Variants in NEURL3 observed in about 807,000 individuals in gnomAD.
The protein encoded by NEURL3 is neuralized E3 ubiquitin protein ligase 3.
In NEURL3, 19 loss-of-function variants were observed where a neutral mutation model predicts 17.6. The observed-to-expected ratio is 1.08, with a 90% CI of 0.75 to 1.58. The LOEUF (loss-of-function observed/expected upper bound fraction) is 1.58. Among genes scored for constraint, NEURL3 ranks in the 40% most tolerant of loss-of-function variants. NEURL3 has a pLI of 0.00. For missense variants in NEURL3, 342 were observed against 379.6 expected (o/e 0.90, Z 0.82); for synonymous variants, 180 against 161.4 (o/e 1.11, Z -0.87).
In NEURL3 at chr2:96,503,222, G is replaced by A. The variant is rs115747136; in HGVS notation, c.28+2037C>T. ...GAACTCCCCCGGAATGGCCTTGAGG[G>A]TGCATGAGGCCCTGGGAGCCCTTGA... On this transcript the variant is annotated intron_variant, in intron 1 of 3. Transcript: ENST00000451794. Among the ~76,000 whole-genome samples the A allele has an allele frequency of 3.1e-3, 465 of 152,282 alleles. 3 individuals are homozygous for A. Among genetic ancestry groups the A allele is most frequent in the African/African-American group, 0.011 (452 of 41,554 alleles).
chr2:96,501,279 T>A (rs1010995983), intron 1 of NEURL3, among the ~76,000 whole-genome samples: 5 of 152,112 alleles, frequency 3.3e-5, no homozygotes, highest in African/African-American at 1.2e-4. Context: ...GGTCTTGAAC[T>A]CTTGGCCTCA....
intron 1 of NEURL3, among the ~76,000 whole-genome samples, chr2:96,503,855 C>T (rs948461934): frequency 6.6e-6 from 1 of 152,232 alleles, no homozygotes; most frequent in Non-Finnish European, 1.5e-5. Flanking sequence ...TCCAAGCAGA[C>T]CTGTCCCCAG....
chr2:96,498,974 C>A lies in NEURL3; in HGVS notation c.586+404G>T. Among the ~76,000 whole-genome samples, 1 of 152,090 alleles carries A rather than the reference C, an allele frequency of 6.6e-6. No individual in the cohort carries two copies. Among genetic ancestry groups the A allele is most frequent in the East Asian group, 1.9e-4 (1 of 5,198 alleles). On this transcript the variant is annotated intron_variant, in intron 3 of 3. Coordinates refer to ENST00000451794, the MANE Select transcript of NEURL3 (RefSeq NM_001285485.2). This position sits in a 1 kb window ranked among gnomAD's most constrained non-coding sequence, Gnocchi z 4.4. ...TGTACTTTTTGTAGAGACAGGGTTTCGCCATGTTGCCCAGGCTGGTCTCAA... is the reference window on the plus strand; with the variant it reads ...TGTACTTTTTGTAGAGACAGGGTTTAGCCATGTTGCCCAGGCTGGTCTCAA...
chr2:96,498,421 G>C lies in NEURL3; in HGVS notation c.612C>G (p.Ile204Met). The change falls in exon 4 of 4, where the codon ATC becomes ATG. Residue 204 changes from isoleucine (I) to methionine (M), a missense_variant. Ile to Met is a conservative substitution (Grantham distance 10). Transcript: ENST00000451794. The surrounding 1 kb of genome is among the most constrained non-coding windows in gnomAD (Gnocchi z 4.4). ...PKATPGEECAICFYHAANTRL... is the reference protein window; with the variant it reads ...PKATPGEECAMCFYHAANTRL... ...GGGTGTTGGCAGCGTGATAGAAGCA[G>C]ATGGCACACTCCTCTCCTGGTGTGG... 1.3e-6 allele frequency: 2 copies of C among 1,598,686 alleles called. No individual in the cohort carries two copies. Among genetic ancestry groups the C allele is most frequent in the Non-Finnish European group, 1.7e-6 (2 of 1,179,140 alleles).
At chr2:96,499,214 C>T (rs768884228) in intron 3 of NEURL3, 164 bp downstream of exon 3, 10 of 1,403,752 alleles carry the variant, frequency 7.1e-6, no homozygotes, top group Non-Finnish European at 8.3e-6. Flanking sequence ...CTCTCGAAGG[C>T]AGAGATGCCA....
intron 1 of NEURL3, among the ~76,000 whole-genome samples, chr2:96,502,560 G>A (rs368751884): frequency 1.3e-5 from 2 of 152,372 alleles, no homozygotes; most frequent in African/African-American, 4.8e-5. Flanking sequence ...CTTGTTCACT[G>A]CCTACCTGGC....
At chr2:96,502,586 G>T (rs2065520561) in intron 1 of NEURL3, among the ~76,000 whole-genome samples, 1 of 152,246 alleles carries the variant, frequency 6.6e-6, no homozygotes, top group Admixed American at 6.5e-5. Flanking sequence ...ATGGGGCTGG[G>T]GGTGACAGGG....
At chr2:96,504,503 C>G (rs1243525769) in intron 1 of NEURL3, 1 of 152,266 alleles carries the variant, frequency 6.6e-6, no homozygotes, top group Non-Finnish European at 1.5e-5. Context: ...GGACAGAGGA[C>G]CCTGAGCCCA....
chr2:96,505,348 T>A lies in NEURL3; in HGVS notation c.-62A>T, dbSNP rs548485636. On this transcript the variant is annotated 5_prime_UTR_variant, in exon 1 of 4. Coordinates refer to ENST00000451794, the MANE Select transcript of NEURL3 (RefSeq NM_001285485.2). ...GAAGGAACTGCCTGGAGAAGGCCAGTGGACAGGTTACCAAAGATTCAGCAG... is the reference window on the plus strand; with the variant it reads ...GAAGGAACTGCCTGGAGAAGGCCAGAGGACAGGTTACCAAAGATTCAGCAG... 2.6e-6 allele frequency: 4 copies of A among 1,563,710 alleles called. No individual in the cohort carries two copies. In the South Asian group the frequency reaches 3.3e-5, roughly 13 times the overall value.
chr2:96,506,273 A>G (rs2065560125), upstream of NEURL3, among the ~76,000 whole-genome samples: 1 of 152,054 alleles, frequency 6.6e-6, no homozygotes, highest in African/African-American at 2.4e-5. Context: ...TGGTGTGATC[A>G]TGGCTCACTA....
At position 96,501,065 on chromosome 2, in the gene NEURL3, T is replaced by G. The variant is rs188958737; in HGVS notation, c.29-141A>C. 1.5e-4 allele frequency: 153 copies of G among 1,044,644 alleles called. 1 individual carries two copies. The East Asian group carries it at 4.1e-3, about 28-fold the overall frequency. The allele number at this position is 1,044,644 out of a possible 1,614,324, so 64.7% of individuals were successfully genotyped here. The stretch of plus-strand genomic sequence containing the variant: ...AGGGACCATTTCCACCTCTCTCGGT[T>G]CCTGCAGGGTTGTTATGAAAACTAT... On this transcript the variant is annotated intron_variant, in intron 1 of 3. Transcript: ENST00000451794.
chr2:96,507,521 G>A (rs2065570516), upstream of NEURL3, among the ~76,000 whole-genome samples: 1 of 152,202 alleles, frequency 6.6e-6, no homozygotes, highest in South Asian at 2.1e-4. Context: ...CTGGAGTGCA[G>A]TGGCACGATC....
At chr2:96,500,286 C>G in intron 2 of NEURL3, 153 bp downstream of exon 2, 1 of 1,103,854 alleles carries the variant, frequency 9.1e-7, no homozygotes, top group Non-Finnish European at 1.3e-6. Context: ...GTCTATCTGG[C>G]GTCTCCAGTG....
Position 96,500,933 on chromosome 2 carries a change from TGAGGATGGG to T in NEURL3, c.29-18_29-10del. On this transcript the variant is annotated splice_polypyrimidine_tract_variant and intron_variant, in intron 1 of 3. Transcript: ENST00000451794. ...TCGGGGCGCCTTGGCGTCTGTGGGT[TGAGGATGGG>T]GAGTGTCAGTGCTAACCGGGTCTGG... The T allele has an allele frequency of 1.9e-6, 3 of 1,552,644 alleles. No individual in the cohort carries two copies. The highest frequency in any genetic ancestry group is 1.7e-6 in the Non-Finnish European group (2 of 1,158,268).
upstream of NEURL3, among the ~76,000 whole-genome samples, chr2:96,506,708 A>G (rs550365601): frequency 2.6e-5 from 4 of 152,264 alleles, no homozygotes; most frequent in Admixed American, 1.3e-4. Flanking sequence ...CGCTGCAGCC[A>G]TGCATCTTGT....
chr2:96,503,697 G>T (rs531837875), intron 1 of NEURL3, among the ~76,000 whole-genome samples: 4 of 152,312 alleles, frequency 2.6e-5, no homozygotes, highest in South Asian at 2.1e-4. Flanking sequence ...GGTCGGGGTG[G>T]CCTGACGGGT....
At position 96,498,236 on chromosome 2, in the gene NEURL3, GCCT is replaced by G. The variant is rs1458056042; in HGVS notation, c.*5_*7del. ...CCCGGGCTGCCACTCATACTGGGAA[GCCT>G]CCTTTCATGAGCCTTCCTCAACCCT... On this transcript the variant is annotated 3_prime_UTR_variant, in exon 4 of 4. Transcript: ENST00000451794. The surrounding 1 kb of genome is among the most constrained non-coding windows in gnomAD (Gnocchi z 4.4). 2 of 1,535,622 alleles carry G rather than the reference GCCT, an allele frequency of 1.3e-6. No homozygotes were observed. The highest frequency in any genetic ancestry group is 2.4e-5 in the South Asian group (2 of 84,040).
chr2:96,500,438 C>T lies in NEURL3; in HGVS notation c.514+1G>A. ...CTGCGGGGTCCCCATGGTCGCCTCACCCAGCAGCTCGATGGCCTTAGTGGT... is the reference window on the plus strand; with the variant it reads ...CTGCGGGGTCCCCATGGTCGCCTCATCCAGCAGCTCGATGGCCTTAGTGGT... On this transcript the variant is annotated splice_donor_variant, in intron 2 of 3. Transcript: ENST00000451794. LOFTEE classifies it high-confidence loss of function. 1 of 1,597,358 alleles carries T rather than the reference C, an allele frequency of 6.3e-7. No individual in the cohort carries two copies. The highest frequency in any genetic ancestry group is 8.5e-7 in the Non-Finnish European group (1 of 1,179,250).
At chr2:96,500,155 C>T in intron 2 of NEURL3, 1 of 468,414 alleles carries the variant, frequency 2.1e-6, no homozygotes, top group Non-Finnish European at 3.8e-6. Context: ...CCAAATGTTT[C>T]TTCCTTTGTA....
Sources: gnomAD v4.1 joint callset for allele counts (sites outside exome capture counted in the v4.1 genomes callset) on GRCh38, gnomAD v4.1.1 for gene constraint, Gnocchi (gnomAD v3.1) non-coding constraint, MANE v1.5 for transcripts, NCBI Gene and HGNC (gene_info 2026-07-23, HGNC 2026-07-21) for gene names.